Variants in SMCO4 observed in about 807,000 individuals in gnomAD.
SMCO4 encodes the protein single-pass membrane protein with coiled-coil domains 4.
A neutral mutation model predicts 3.6 loss-of-function variants in SMCO4; 4 were observed. The observed-to-expected ratio is 1.11, with a 90% CI of 0.54 to 2.53. The LOEUF is 2.53. Ranked by LOEUF, SMCO4 falls within the 30% of genes most tolerant of loss-of-function variation. The probability of loss-of-function intolerance (pLI) is 0.02; values close to 1 mark genes in which losing one functional copy is unlikely to be tolerated. For synonymous variants in SMCO4, 36 were observed against 35.3 expected (o/e 1.02, Z -0.07); for missense variants, 70 against 80.8 (o/e 0.87, Z 0.51).
chr11:93,505,075 A>T (rs1377894081), intron 1 of SMCO4, among the ~76,000 whole-genome samples: 1 of 152,244 alleles, frequency 6.6e-6, no homozygotes, highest in East Asian at 1.9e-4. Context: ...GCTGTAACAG[A>T]TCATGTCTTC....
chr11:93,494,675 T>C (rs914355405), intron 2 of SMCO4, among the ~76,000 whole-genome samples: 11 of 152,176 alleles, frequency 7.2e-5, no homozygotes, highest in Non-Finnish European at 1.0e-4. Flanking sequence ...ATACCTAAAA[T>C]GTGCAAGTCT....
chr11:93,479,163 C>T lies in SMCO4; in HGVS notation c.27G>A (p.Lys9=). 6.2e-7 allele frequency: 1 copy of T among 1,614,090 alleles called. No individual in the cohort carries two copies. The highest frequency in any genetic ancestry group is 8.5e-7 in the Non-Finnish European group (1 of 1,180,012). The part of the protein sequence containing the change: MRQLKGKP[K]KETSKDKKER... ...CCTTCTTGTCCTTGGAGGTCTCCTT[C>T]TTGGGCTTCCCTTTGAGCTGCCGCA... Residue 9 remains lysine, a synonymous_variant, in exon 3 of 3, where the codon AAG becomes AAA. Coordinates refer to ENST00000298966, the MANE Select transcript of SMCO4 (RefSeq NM_020179.3).
At chr11:93,520,854 A>G (rs989483984) in intron 1 of SMCO4, among the ~76,000 whole-genome samples, 1 of 151,476 alleles carries the variant, frequency 6.6e-6, no homozygotes, top group African/African-American at 2.4e-5. Context: ...TCAGCATGTC[A>G]CGTATTTTCA....
At chr11:93,538,205 C>T (rs756827008) in intron 1 of SMCO4, among the ~76,000 whole-genome samples, 2 of 152,204 alleles carry the variant, frequency 1.3e-5, no homozygotes, top group Non-Finnish European at 2.9e-5. Context: ...CTTGGCGCCC[C>T]GCAGAGACTG....
chr11:93,495,495 G>A (rs750470413), intron 2 of SMCO4, among the ~76,000 whole-genome samples: 35 of 151,930 alleles, frequency 2.3e-4, no homozygotes, highest in Non-Finnish European at 4.3e-4. Flanking sequence ...AAAACAAATC[G>A]GCTTCAAGAT....
At chr11:93,493,797 T>G (rs960814923) in intron 2 of SMCO4, among the ~76,000 whole-genome samples, 1 of 152,164 alleles carries the variant, frequency 6.6e-6, no homozygotes, top group African/African-American at 2.4e-5. Context: ...CTTGCCCACT[T>G]CCAAGCCTCC....
At position 93,478,750 on chromosome 11, in the gene SMCO4, C is replaced by G; in HGVS notation, c.*260G>C. 1.2e-6 allele frequency: 1 copy of G among 817,326 alleles called. No homozygotes were observed. The highest frequency in any genetic ancestry group is 1.7e-6 in the Non-Finnish European group (1 of 601,854). 50.6% of individuals were successfully genotyped at this position (817,326 alleles called of 1,614,324 possible). A position where few individuals can be genotyped will look rare whatever the true frequency, so the allele number is the denominator to read the frequency against. On this transcript the variant is annotated 3_prime_UTR_variant, in exon 3 of 3. Transcript: ENST00000298966. Reference sequence around the variant, plus strand: ...ACACACACACACACACACACACACACACATGCGCGCGCGCTTTGAAGTCTG... The same window carrying G: ...ACACACACACACACACACACACACAGACATGCGCGCGCGCTTTGAAGTCTG...
chr11:93,506,199 GAGAATCTAGAGCATGC>G (rs1208094880), intron 1 of SMCO4, among the ~76,000 whole-genome samples: 1 of 152,228 alleles, frequency 6.6e-6, no homozygotes, highest in African/African-American at 2.4e-5. Context: ...TGGAAAGCGA[GAGAATCTAGAGCATGC>G]AGATGAATGA....
At chr11:93,536,982 G>C (rs184986755) in intron 1 of SMCO4, among the ~76,000 whole-genome samples, 1 of 152,354 alleles carries the variant, frequency 6.6e-6, no homozygotes, top group African/African-American at 2.4e-5. Context: ...GAAGGAAAAT[G>C]TGGGATGCAA....
chr11:93,520,568 C>A (rs575321185), intron 1 of SMCO4, among the ~76,000 whole-genome samples: 1 of 152,336 alleles, frequency 6.6e-6, no homozygotes, highest in East Asian at 1.9e-4. Context: ...TATATTGCTT[C>A]CAAACAAGGC....
intron 1 of SMCO4, among the ~76,000 whole-genome samples, chr11:93,515,079 C>A (rs1002671098): frequency 6.6e-6 from 1 of 152,214 alleles, no homozygotes; most frequent in African/African-American, 2.4e-5. Context: ...GGAGGCAATA[C>A]TCTCTGCTCC....
intron 2 of SMCO4, among the ~76,000 whole-genome samples, chr11:93,493,414 T>G (rs1948741110): frequency 6.6e-6 from 1 of 152,136 alleles, no homozygotes; most frequent in East Asian, 1.9e-4. Flanking sequence ...CAAGGGCTGC[T>G]CATTCTCCTC....
the SMCO4 span, among the ~76,000 whole-genome samples, chr11:93,548,706 C>A: frequency 1.3e-5 from 2 of 152,256 alleles, no homozygotes; most frequent in South Asian, 4.1e-4. Context: ...GCATTTCGAA[C>A]ATTTGAACAA....
Position 93,479,097 on chromosome 11 carries a change from A to C in SMCO4, c.93T>G (p.Thr31=), listed in dbSNP as rs1156380105. 6.2e-7 allele frequency: 1 copy of C among 1,614,084 alleles called. No homozygotes were observed. The highest frequency in any genetic ancestry group is 1.1e-5 in the South Asian group (1 of 91,084). ...QAMQEARQQI[T]TVVLPTLAVV... ...CGGCCAGCGTGGGCAGCACCACTGTAGTGATCTGCTGCCGGGCCTCCTGCA... is the reference window on the plus strand; with the variant it reads ...CGGCCAGCGTGGGCAGCACCACTGTCGTGATCTGCTGCCGGGCCTCCTGCA... Residue 31 remains threonine (T), a synonymous_variant, in exon 3 of 3, where the codon ACT becomes ACG. Coordinates refer to ENST00000298966, the MANE Select transcript of SMCO4 (RefSeq NM_020179.3).
chr11:93,542,425 G>A (rs539468936), intron 1 of SMCO4, among the ~76,000 whole-genome samples: 16 of 152,176 alleles, frequency 1.1e-4, no homozygotes, highest in Non-Finnish European at 1.9e-4. Context: ...AGATAGTTAT[G>A]ATATCATGCA....
At chr11:93,522,494 G>C (rs1949067210) in intron 1 of SMCO4, among the ~76,000 whole-genome samples, 1 of 152,190 alleles carries the variant, frequency 6.6e-6, no homozygotes, top group African/African-American at 2.4e-5. Context: ...CCACCCCTCG[G>C]CCTGCTACCA....
chr11:93,502,596 T>TCATTCAAC (rs1278252626), intron 1 of SMCO4, among the ~76,000 whole-genome samples: 5 of 152,242 alleles, frequency 3.3e-5, no homozygotes, highest in African/African-American at 1.2e-4. Flanking sequence ...GGTACTCTCA[T>TCATTCAAC]CATTCAACTT....
At chr11:93,546,514 G>A (rs748821199), upstream of SMCO4, among the ~76,000 whole-genome samples, 12 of 152,090 alleles carry the variant, frequency 7.9e-5, no homozygotes, top group Admixed American at 2.0e-4. Flanking sequence ...CATAGATCAC[G>A]AAACATCAGA....
At chr11:93,499,030 CA>C (rs1948808322) in intron 2 of SMCO4, among the ~76,000 whole-genome samples, 1 of 152,066 alleles carries the variant, frequency 6.6e-6, no homozygotes, top group Non-Finnish European at 1.5e-5. Flanking sequence ...AACGAGAACA[CA>C]AACATCACAG....
Sources: allele counts gnomAD v4.1 joint callset (sites outside exome capture counted in the v4.1 genomes callset), GRCh38; gene constraint gnomAD v4.1.1; transcripts MANE v1.5; gene names NCBI Gene and HGNC (gene_info 2026-07-23, HGNC 2026-07-21).